F8: variants seen among roughly 807,000 people sequenced by gnomAD.
F8 encodes the protein coagulation factor VIII, also known as antihemophilic factor.
F8 carries 12 observed loss-of-function variants against 140.6 expected under a neutral mutation model. The observed-to-expected ratio is 0.09, with a 90% CI of 0.05 to 0.14. F8 has a LOEUF of 0.14. Among genes scored for constraint, F8 ranks in the 10% least tolerant of loss-of-function variants. The pLI is 1.00. For missense variants in F8, 1,354 were observed against 1,720.7 expected (o/e 0.79, Z 3.77); for synonymous variants, 585 against 614.6 (o/e 0.95, Z 0.71).
Position 154,931,525 on chromosome X carries a change from G to A in F8, c.2265C>T (p.Ala755=), listed in dbSNP as rs1557278847. 1 of 1,211,318 alleles carries A rather than the reference G, an allele frequency of 8.3e-7. No individual in the cohort carries two copies. Among genetic ancestry groups the A allele is most frequent in the East Asian group, 3.0e-5 (1 of 33,855 alleles). ...TCTGGGAGAAGCTTCTTGGTTCAAT[G>A]GCATTGTTTTTACTCAGCAAGTATG... ...ISAYLLSKNN[A]IEPRSFSQNS... is the part of the protein sequence containing the mutation. Residue 755 remains alanine (A), a synonymous_variant, in exon 14 of 26, where the codon GCC becomes GCT. Transcript: ENST00000360256.
At chrX:154,959,446 G>A (rs782287910) in intron 10 of F8, among the ~76,000 whole-genome samples, 1 of 111,841 alleles carries the variant, frequency 8.9e-6, no homozygotes, top group African/African-American at 3.3e-5. Flanking sequence ...AAGCTGAAAG[G>A]CCTAAGAAAT....
In F8 at chrX:154,906,589, A is replaced by G; in HGVS notation, c.5220-16T>C. On this transcript the variant is annotated splice_polypyrimidine_tract_variant and intron_variant, in intron 14 of 25. Transcript: ENST00000360256. ...ACTCTGAGCCCTGGAGAAAAAAAGC[A>G]GAGGAAAAGCAATAATTTTATGTAC... The G allele has an allele frequency of 8.3e-7, 1 of 1,207,878 alleles. No individual in the cohort carries two copies. The highest frequency in any genetic ancestry group is 1.1e-6 in the Non-Finnish European group (1 of 892,502).
At chrX:154,914,300 C>T (rs782193955) in intron 14 of F8, among the ~76,000 whole-genome samples, 1 of 112,676 alleles carries the variant, frequency 8.9e-6, no homozygotes, top group African/African-American at 3.2e-5. Context: ...GGGGCTGCTG[C>T]GAAGGTCTCT....
intron 14 of F8, among the ~76,000 whole-genome samples, chrX:154,908,173 A>G (rs1201012458): frequency 2.7e-5 from 3 of 112,059 alleles, no homozygotes; most frequent in Non-Finnish European, 5.6e-5. Flanking sequence ...GTAATGTTTT[A>G]TCTATATAGA....
chrX:154,927,314 TTGA>T (rs1375153653), intron 14 of F8, among the ~76,000 whole-genome samples: 1 of 111,566 alleles, frequency 9.0e-6, no homozygotes, highest in Non-Finnish European at 1.9e-5. Flanking sequence ...ATGATTGATG[TTGA>T]TGAGATTAAT....
intron 2 of F8, among the ~76,000 whole-genome samples, chrX:154,997,852 G>A (rs184784795): frequency 2.0e-4 from 22 of 111,941 alleles, no homozygotes; most frequent in Non-Finnish European, 3.2e-4. Context: ...TAAATATGAT[G>A]TGGAGATAGA....
chrX:155,001,312 CTTTT>C (rs35281198), intron 1 of F8, among the ~76,000 whole-genome samples: 8 of 75,958 alleles, frequency 1.1e-4, no homozygotes, highest in Non-Finnish European at 7.3e-5. Flanking sequence ...TATCGTAAAT[CTTTT>C]TTTTTTTTTT....
chrX:154,862,057 C>T (rs1002904743), intron 23 of F8, among the ~76,000 whole-genome samples, 191 bp from the exon 24 acceptor site: 4 of 110,777 alleles, frequency 3.6e-5, no homozygotes, highest in Non-Finnish European at 5.7e-5. Context: ...GATGGAGTCT[C>T]GCTTTGTCAC....
intron 6 of F8, among the ~76,000 whole-genome samples, chrX:154,982,315 C>T (rs1398423678): frequency 7.6e-5 from 8 of 105,904 alleles, no homozygotes; most frequent in Non-Finnish European, 1.2e-4. Context: ...GTCGAGGTGG[C>T]GGGCGCCTGT....
intron 25 of F8, among the ~76,000 whole-genome samples, chrX:154,852,755 A>G (rs1237514824): frequency 9.0e-6 from 1 of 110,721 alleles, no homozygotes; most frequent in Non-Finnish European, 1.9e-5. Context: ...TGTCTTTGGG[A>G]TTCTGATAGA....
intron 1 of F8, among the ~76,000 whole-genome samples, chrX:155,004,063 A>G (rs1409111535): frequency 9.0e-6 from 1 of 110,950 alleles, no homozygotes; most frequent in Non-Finnish European, 1.9e-5. Context: ...ATCAAAGACA[A>G]AAAATGTTGT....
intron 1 of F8, among the ~76,000 whole-genome samples, chrX:155,015,599 G>A (rs1050768066): frequency 8.9e-6 from 1 of 112,090 alleles, no homozygotes; most frequent in Non-Finnish European, 1.9e-5. Context: ...TCACTTAGAA[G>A]TGGGAGCTAA....
At chrX:154,844,835 A>G (rs1217333026) in intron 25 of F8, among the ~76,000 whole-genome samples, 2 of 109,984 alleles carry the variant, frequency 1.8e-5, no homozygotes, top group African/African-American at 6.6e-5. Flanking sequence ...TATGTTGAAT[A>G]GGAGTGGTGA....
intron 14 of F8, chrX:154,918,931 C>A: frequency 8.2e-6 from 1 of 122,440 alleles, no homozygotes. Flanking sequence ...ATCCAAGACC[C>A]AAGCATACTC....
chrX:154,891,159 A>G (rs140309193), intron 22 of F8, among the ~76,000 whole-genome samples: 1 of 112,670 alleles, frequency 8.9e-6, no homozygotes, highest in Non-Finnish European at 1.9e-5. Flanking sequence ...TGGGAGTAGT[A>G]TTTATGTCAG....
Position 154,961,115 on chromosome X carries a change from G to A in F8, c.1497C>T (p.Ile499=). 4.2e-6 allele frequency: 5 copies of A among 1,203,642 alleles called. No homozygotes were observed. Among genetic ancestry groups the A allele is most frequent in the Non-Finnish European group, 4.5e-6 (4 of 888,485 alleles). ...SRPYNIYPHG[I]TDVRPLYSRR... ...TTGAATACAAAGGACGGACATCAGTGATTCCGTGAGGGTAGATGTTATATG... is the reference window on the plus strand; with the variant it reads ...TTGAATACAAAGGACGGACATCAGTAATTCCGTGAGGGTAGATGTTATATG... The change falls in exon 10 of 26, where the codon ATC becomes ATT. Residue 499 remains isoleucine, a synonymous_variant. Coordinates refer to ENST00000360256, the MANE Select transcript of F8 (RefSeq NM_000132.4).
chrX:154,907,997 G>A (rs1268105888), intron 14 of F8, among the ~76,000 whole-genome samples: 2 of 110,847 alleles, frequency 1.8e-5, no homozygotes, highest in Admixed American at 1.9e-4. Context: ...TATTGGCTAG[G>A]GCTTTTTGTA....
rs141357986 is a variant in F8 at position 154,899,186 on chromosome X, T to G, written c.6273+680A>C. Among the ~76,000 whole-genome samples the G allele has an allele frequency of 5.1e-3, 572 of 112,418 alleles. 6 individuals carry two copies. Among genetic ancestry groups the G allele is most frequent in the African/African-American group, 0.018 (543 of 30,979 alleles). On this transcript the variant is annotated intron_variant, in intron 21 of 25. Transcript: ENST00000360256. ...TGGCAGTGTCTACAAAACAATGCTG[T>G]GGCATTAATAGACATGCTATTTGCA...
At chrX:154,923,160 C>A (rs2073140613) in intron 14 of F8, among the ~76,000 whole-genome samples, 1 of 110,869 alleles carries the variant, frequency 9.0e-6, no homozygotes, top group Admixed American at 9.6e-5. Flanking sequence ...ATTTTAATAC[C>A]CTTTTATTAT....
Sources: gnomAD v4.1 joint callset for allele counts (sites outside exome capture counted in the v4.1 genomes callset) on GRCh38, gnomAD v4.1.1 for gene constraint, MANE v1.5 for transcripts, NCBI Gene and HGNC (gene_info 2026-07-23, HGNC 2026-07-21) for gene names.